Variants in FUT9 observed in about 807,000 individuals in gnomAD.
FUT9 encodes 4-galactosyl-N-acetylglucosaminide 3-alpha-L-fucosyltransferase 9.
FUT9 carries 15 observed loss-of-function variants against 29.7 expected under a neutral mutation model. The observed-to-expected ratio is 0.51, with a 90% CI of 0.34 to 0.78. The LOEUF is 0.78. Among genes scored for constraint, FUT9 ranks in the 30% least tolerant of loss-of-function variants. The pLI, the probability that FUT9 is intolerant of heterozygous loss-of-function variation, is 0.01. For missense variants in FUT9, 319 were observed against 425.4 expected, an observed-to-expected ratio of 0.75 and a Z score of 2.20; for synonymous variants, 169 against 153.7, an observed-to-expected ratio of 1.10 and a Z score of -0.74.
At chr6:96,022,709 G>T (rs1770091785) in intron 1 of FUT9, among the ~76,000 whole-genome samples, 1 of 151,752 alleles carries the variant, frequency 6.6e-6, no homozygotes, top group African/African-American at 2.4e-5. Flanking sequence ...AGGTTCATAG[G>T]ACCCCTTTTT....
chr6:96,194,479 T>C (rs1773582723), intron 2 of FUT9, among the ~76,000 whole-genome samples: 1 of 152,116 alleles, frequency 6.6e-6, no homozygotes, highest in Non-Finnish European at 1.5e-5. Flanking sequence ...CAAGAATTGA[T>C]AGACATTTGA....
chr6:96,107,078 A>G (rs116187608), intron 1 of FUT9, among the ~76,000 whole-genome samples: 2 of 152,304 alleles, frequency 1.3e-5, no homozygotes, highest in African/African-American at 4.8e-5. Flanking sequence ...TAAAATGTTT[A>G]CCATATGGAT....
chr6:96,062,679 A>G (rs1726853094), intron 1 of FUT9, among the ~76,000 whole-genome samples: 1 of 152,184 alleles, frequency 6.6e-6, no homozygotes, highest in South Asian at 2.1e-4. Flanking sequence ...CTGCATAGTG[A>G]AATTTCAGAA....
intron 2 of FUT9, among the ~76,000 whole-genome samples, chr6:96,138,245 A>C (rs77043120): frequency 0.013 from 1,946 of 152,330 alleles, 46 homozygotes; most frequent in African/African-American, 0.045. Context: ...CTTTGTAAAC[A>C]AAGAAAGAGG....
At chr6:96,087,524 G>A (rs1771338161) in intron 1 of FUT9, among the ~76,000 whole-genome samples, 1 of 151,804 alleles carries the variant, frequency 6.6e-6, no homozygotes, top group Non-Finnish European at 1.5e-5. Flanking sequence ...GTGCCACAAT[G>A]CCCAGCTAAT....
chr6:96,165,117 T>A (rs1478837901), intron 2 of FUT9, among the ~76,000 whole-genome samples: 1 of 152,038 alleles, frequency 6.6e-6, no homozygotes, highest in Non-Finnish European at 1.5e-5. Context: ...TGAGAGAAAA[T>A]TCACAATAGA....
chr6:96,187,093 AAG>A (rs879918178), intron 2 of FUT9, among the ~76,000 whole-genome samples: 11 of 151,818 alleles, frequency 7.2e-5, no homozygotes, highest in African/African-American at 2.7e-4. Flanking sequence ...GTTACCAGCC[AAG>A]CCTAATGTTA....
chr6:96,160,746 A>C (rs977260733), intron 2 of FUT9, among the ~76,000 whole-genome samples: 4 of 152,172 alleles, frequency 2.6e-5, no homozygotes, highest in African/African-American at 9.7e-5. Flanking sequence ...GAAAAATGAA[A>C]ATGCAGATCT....
chr6:96,149,278 T>A (rs1214628847), intron 2 of FUT9, among the ~76,000 whole-genome samples: 3 of 151,770 alleles, frequency 2.0e-5, no homozygotes, highest in Non-Finnish European at 2.9e-5. Context: ...CCAGAGAGCA[T>A]TTTTTTTAAA....
At chr6:96,062,199 A>C (rs1770887526) in intron 1 of FUT9, among the ~76,000 whole-genome samples, 1 of 152,124 alleles carries the variant, frequency 6.6e-6, no homozygotes, top group Admixed American at 6.5e-5. Flanking sequence ...TAATGAAAAA[A>C]AGAAAAAAAT....
At chr6:96,175,718 C>T (rs943923972) in intron 2 of FUT9, among the ~76,000 whole-genome samples, 5 of 152,146 alleles carry the variant, frequency 3.3e-5, no homozygotes, top group Non-Finnish European at 7.3e-5. Context: ...TATAAACCAG[C>T]GATTGCAAAC....
chr6:96,133,851 A>G (rs557389598), intron 2 of FUT9, among the ~76,000 whole-genome samples: 1 of 152,062 alleles, frequency 6.6e-6, no homozygotes, highest in South Asian at 2.1e-4. Flanking sequence ...TCAAAGATAT[A>G]TTATTTATTT....
intron 2 of FUT9, among the ~76,000 whole-genome samples, chr6:96,128,109 C>G (rs1475882318): frequency 6.6e-6 from 1 of 151,948 alleles, no homozygotes; most frequent in African/African-American, 2.4e-5. Flanking sequence ...CCAAATTTAA[C>G]AAGCAATAAA....
chr6:96,050,906 A>G (rs2127938214), intron 1 of FUT9, among the ~76,000 whole-genome samples: 1 of 152,326 alleles, frequency 6.6e-6, no homozygotes, highest in South Asian at 2.1e-4. Context: ...ATATGGTAAT[A>G]AAAACACTTA....
chr6:96,167,845 T>C (rs1392428922), intron 2 of FUT9, among the ~76,000 whole-genome samples: 1 of 152,034 alleles, frequency 6.6e-6, no homozygotes, highest in East Asian at 1.9e-4. Flanking sequence ...AGTGCTACTG[T>C]GCTCAAGATG....
chr6:96,117,625 G>A (rs1305862024), intron 2 of FUT9, among the ~76,000 whole-genome samples: 2 of 152,182 alleles, frequency 1.3e-5, no homozygotes, highest in African/African-American at 4.8e-5. Context: ...AAAAGTCTCT[G>A]AGAATTTAAG....
intron 2 of FUT9, among the ~76,000 whole-genome samples, chr6:96,116,607 T>C (rs778969312): frequency 7.9e-5 from 12 of 152,208 alleles, no homozygotes; most frequent in Non-Finnish European, 1.6e-4. Flanking sequence ...CAAATATTTT[T>C]AAAAGGAAAG....
chr6:96,024,647 G>A (rs1205487641), intron 1 of FUT9, among the ~76,000 whole-genome samples: 1 of 151,698 alleles, frequency 6.6e-6, no homozygotes, highest in African/African-American at 2.4e-5. Flanking sequence ...TTAATTTGGG[G>A]CATTAGCTGC....
At chr6:96,055,107 T>C (rs1770738506) in intron 1 of FUT9, among the ~76,000 whole-genome samples, 1 of 152,214 alleles carries the variant, frequency 6.6e-6, no homozygotes, top group Non-Finnish European at 1.5e-5. Flanking sequence ...CATTAAATTC[T>C]GCTCTTATTT....
Sources: gnomAD v4.1 joint callset for allele counts (sites outside exome capture counted in the v4.1 genomes callset) on GRCh38, gnomAD v4.1.1 for gene constraint, MANE v1.5 for transcripts, NCBI Gene and HGNC (gene_info 2026-07-23, HGNC 2026-07-21) for gene names.